Variants in CPA6 observed in about 807,000 individuals in gnomAD.
CPA6 encodes carboxypeptidase B.
A neutral mutation model predicts 63.3 loss-of-function variants in CPA6; 58 were observed. That is an observed-to-expected ratio of 0.92 (90% CI 0.74 to 1.14). The LOEUF (loss-of-function observed/expected upper bound fraction) is 1.14, where lower values mean the gene tolerates loss of function less well. CPA6 is among the 50% of genes most tolerant of loss of function. The pLI is 0.00. For synonymous variants in CPA6, 185 were observed against 179.0 expected (o/e 1.03, Z -0.27); for missense variants, 565 against 526.6 (o/e 1.07, Z -0.71).
intron 1 of CPA6, among the ~76,000 whole-genome samples, chr8:67,722,588 C>T (rs185256563): frequency 1.5e-4 from 23 of 152,266 alleles, no homozygotes; most frequent in Admixed American, 7.2e-4. Context: ...CTTCCCTGAT[C>T]GGCTGAAACT....
At chr8:67,546,426 G>A (rs1325699949) in intron 2 of CPA6, among the ~76,000 whole-genome samples, 1 of 152,158 alleles carries the variant, frequency 6.6e-6, no homozygotes, top group Non-Finnish European at 1.5e-5. Flanking sequence ...TGGTTCAAAT[G>A]TTACCTCTTC....
rs575550764 is a variant in CPA6, at chr8:67,574,970, A to G, written c.192+49206T>C. Among the ~76,000 whole-genome samples, 14 of 152,314 alleles carry G rather than the reference A, an allele frequency of 9.2e-5. No individual in the cohort carries two copies. In the East Asian group the frequency reaches 2.5e-3, roughly 27 times the overall value. On this transcript the variant is annotated intron_variant, in intron 2 of 10. Transcript: ENST00000297770. ...GACACAGACTACAGATTGGGAGAAAATATTTGCAAGCCATACATCTGATAA... is the reference window on the plus strand; with the variant it reads ...GACACAGACTACAGATTGGGAGAAAGTATTTGCAAGCCATACATCTGATAA...
intron 1 of CPA6, among the ~76,000 whole-genome samples, chr8:67,625,277 C>T (rs1303553323): frequency 6.6e-6 from 1 of 151,848 alleles, no homozygotes; most frequent in Non-Finnish European, 1.5e-5. Context: ...CTGTGTTTAT[C>T]AAAAAAAATC....
At chr8:67,440,521 A>C (rs1180233151) in intron 8 of CPA6, among the ~76,000 whole-genome samples, 1 of 152,164 alleles carries the variant, frequency 6.6e-6, no homozygotes, top group Non-Finnish European at 1.5e-5. Context: ...AAGTGAGCCA[A>C]GATCGTGCCA....
rs374477838 is a variant in CPA6, at chr8:67,562,811, T to A, written c.193-44764A>T. 2.6e-5 allele frequency among the ~76,000 whole-genome samples: 4 copies of A among 152,362 alleles called. No individual in the cohort carries two copies. In the South Asian group the frequency reaches 6.2e-4, roughly 24 times the overall value. ...AATCTGTTGGCACCTTGATCTTGGA[T>A]TACCCTGAATCCAGAATTGTGAGAA... On this transcript the variant is annotated intron_variant, in intron 2 of 10. Transcript: ENST00000297770.
At position 67,428,123 on chromosome 8, in the gene CPA6, T is replaced by C. The variant is rs531642248; in HGVS notation, c.1050A>G (p.Ala350=). The C allele has an allele frequency of 4.4e-6, 7 of 1,609,052 alleles. No individual in the cohort carries two copies. In the East Asian group the frequency reaches 1.6e-4, roughly 36 times the overall value. Residue 350 remains alanine, a synonymous_variant, in exon 10 of 11, where the codon GCA becomes GCG. Coordinates refer to ENST00000297770, the MANE Select transcript of CPA6 (RefSeq NM_020361.5). ...TIPNFRCVES[A]AYKAVNALQS... ...GAAGTGCATTCACAGCTTTATAAGCTGCAGATTCCTATGAGGGAAAATGGG... is the reference window on the plus strand; with the variant it reads ...GAAGTGCATTCACAGCTTTATAAGCCGCAGATTCCTATGAGGGAAAATGGG...
At chr8:67,483,111 G>A (rs769390747) in intron 8 of CPA6, among the ~76,000 whole-genome samples, 1 of 152,140 alleles carries the variant, frequency 6.6e-6, no homozygotes, top group African/African-American at 2.4e-5. Context: ...AGCTCCTAAC[G>A]ACTGCATTTT....
Position 67,522,760 on chromosome 8 carries a change from C to T in CPA6, c.193-4713G>A, listed in dbSNP as rs1020084573. Among the ~76,000 whole-genome samples the T allele has an allele frequency of 9.2e-5, 14 of 152,230 alleles. 1 individual carries two copies. Among genetic ancestry groups the T allele is most frequent in the Admixed American group, 3.3e-4 (5 of 15,284 alleles). On this transcript the variant is annotated intron_variant, in intron 2 of 10. Transcript: ENST00000297770. Reference sequence around the variant, plus strand: ...TGCATTCCTCTCATCCAGATGCTGGCGCCCAAGGTGGAAGCCAGTTGCAGC... The same window carrying T: ...TGCATTCCTCTCATCCAGATGCTGGTGCCCAAGGTGGAAGCCAGTTGCAGC...
chr8:67,527,467 A>G (rs750352403), intron 2 of CPA6, among the ~76,000 whole-genome samples: 1 of 152,248 alleles, frequency 6.6e-6, no homozygotes, highest in Non-Finnish European at 1.5e-5. Flanking sequence ...CTGGTTCTAT[A>G]TAAATGTTGA....
chr8:67,483,489 A>G, intron 8 of CPA6: 1 of 495,248 alleles, frequency 2.0e-6, no homozygotes, highest in Non-Finnish European at 3.6e-6. Flanking sequence ...GGGAATGACA[A>G]ATATTCCTCA....
At chr8:67,443,862 A>G (rs911065731) in intron 8 of CPA6, among the ~76,000 whole-genome samples, 35 of 152,178 alleles carry the variant, frequency 2.3e-4, no homozygotes, top group African/African-American at 8.2e-4. Flanking sequence ...AACGGTACCA[A>G]CGGGGTGCAT....
intron 1 of CPA6, among the ~76,000 whole-genome samples, chr8:67,705,346 G>A (rs1040482785): frequency 6.6e-6 from 1 of 152,086 alleles, no homozygotes; most frequent in African/African-American, 2.4e-5. Flanking sequence ...CAAAGCCAAG[G>A]GCAACTCTGG....
chr8:67,651,107 C>G (rs1815826755), intron 1 of CPA6, among the ~76,000 whole-genome samples: 1 of 152,138 alleles, frequency 6.6e-6, no homozygotes, highest in South Asian at 2.1e-4. Context: ...TTTTCCTTGT[C>G]TCCCCATAAG....
chr8:67,620,755 A>T (rs575177607), intron 2 of CPA6, among the ~76,000 whole-genome samples: 10 of 152,188 alleles, frequency 6.6e-5, no homozygotes, highest in African/African-American at 2.4e-4. Context: ...TCGAAACTCA[A>T]TATCTCCAAC....
At chr8:67,517,241 G>C (rs1413460121) in intron 3 of CPA6, among the ~76,000 whole-genome samples, 11 of 151,892 alleles carry the variant, frequency 7.2e-5, no homozygotes, top group Non-Finnish European at 1.6e-4. Flanking sequence ...ACTACTTACT[G>C]TCCAACATGA....
chr8:67,717,780 T>G (rs1462335186), intron 1 of CPA6, among the ~76,000 whole-genome samples: 1 of 152,090 alleles, frequency 6.6e-6, no homozygotes, highest in East Asian at 1.9e-4. Context: ...TCGGTGCAAT[T>G]GCTAGTGAGA....
chr8:67,428,052 G>A lies in CPA6; in HGVS notation c.1121C>T (p.Thr374Met), dbSNP rs769320961. The change falls in exon 10 of 11, where the codon ACG becomes ATG. Residue 374 changes from threonine to methionine, a missense_variant. Physicochemically the swap from Thr to Met is moderately conservative, Grantham distance 81. Coordinates refer to ENST00000297770, the MANE Select transcript of CPA6 (RefSeq NM_020361.5). ...AATGTACGCAGGAAACTTACACAACGTTGTGGAGGCTGGTCCATATCTGTA... is the reference window on the plus strand; with the variant it reads ...AATGTACGCAGGAAACTTACACAACATTGTGGAGGCTGGTCCATATCTGTA... ...VRYRYGPAST[T>M]LYVSSGSSMD... 9.3e-6 allele frequency: 15 copies of A among 1,605,214 alleles called. No individual in the cohort carries two copies. The African/African-American group carries it at 1.2e-4, about 13-fold the overall frequency.
chr8:67,484,903 A>G (rs1811445049), intron 6 of CPA6, 114 bp from the exon 7 acceptor site: 4 of 540,362 alleles, frequency 7.4e-6, no homozygotes, highest in Non-Finnish European at 1.3e-5. Flanking sequence ...TTAAAAAGTC[A>G]TAAACTAACA....
At chr8:67,616,333 T>A (rs1428354953) in intron 2 of CPA6, among the ~76,000 whole-genome samples, 1 of 152,090 alleles carries the variant, frequency 6.6e-6, no homozygotes, top group Non-Finnish European at 1.5e-5. Flanking sequence ...GACTACAGTA[T>A]GGAGAACAAA....
Sources: allele counts gnomAD v4.1 joint callset (sites outside exome capture counted in the v4.1 genomes callset), GRCh38; gene constraint gnomAD v4.1.1; transcripts MANE v1.5; gene names NCBI Gene and HGNC (gene_info 2026-07-23, HGNC 2026-07-21).